The following COL26A1 variants were observed in gnomAD, a reference collection of about 807,000 sequenced individuals.
The protein encoded by COL26A1 is collagen type XXVI alpha 1 chain.
COL26A1 carries 41 observed loss-of-function variants against 59.3 expected under a neutral mutation model. The ratio of observed to expected loss-of-function variants is 0.69; its 90% CI spans 0.54 to 0.90. The LOEUF (loss-of-function observed/expected upper bound fraction) is 0.90, where lower values mean the gene tolerates loss of function less well. Ranked by LOEUF, COL26A1 falls within the 40% of genes least tolerant of loss-of-function variation. The probability of loss-of-function intolerance (pLI) is 0.00; values close to 1 mark genes in which losing one functional copy is unlikely to be tolerated. For missense variants in COL26A1, 612 were observed against 602.3 expected, an observed-to-expected ratio of 1.02 and a Z score of -0.17; for synonymous variants, 266 against 256.0, an observed-to-expected ratio of 1.04 and a Z score of -0.37.
chr7:101,424,501 G>T (rs982211134), intron 2 of COL26A1, among the ~76,000 whole-genome samples: 2 of 152,140 alleles, frequency 1.3e-5, no homozygotes, highest in African/African-American at 4.8e-5. Context: ...AGGAGGCTGA[G>T]GCAGGAGAAT....
intron 1 of COL26A1, among the ~76,000 whole-genome samples, chr7:101,369,702 G>C (rs1382037006): frequency 1.3e-5 from 2 of 151,770 alleles, no homozygotes; most frequent in Admixed American, 1.3e-4. Context: ...TATTTATTCA[G>C]CTAGTCCTCT....
chr7:101,557,360 C>T lies in COL26A1; in HGVS notation c.1166-10C>T, dbSNP rs375953319. On this transcript the variant is annotated splice_polypyrimidine_tract_variant and intron_variant, in intron 12 of 12. Transcript: ENST00000313669. The stretch of plus-strand genomic sequence containing the variant: ...TCTACCTCGAGTCCACCCTCCTGCT[C>T]TCCTTCCAGATCCCCTGGCCTCCCC... The T allele has an allele frequency of 9.4e-5, 152 of 1,610,128 alleles. No individual in the cohort carries two copies. Among genetic ancestry groups the T allele is most frequent in the Non-Finnish European group, 1.3e-4 (148 of 1,177,192 alleles).
intron 3 of COL26A1, among the ~76,000 whole-genome samples, chr7:101,463,330 G>A (rs950492038): frequency 2.0e-4 from 30 of 152,232 alleles, no homozygotes; most frequent in African/African-American, 6.5e-4. Flanking sequence ...CATCCATGTA[G>A]CAAGGGTCAG....
intron 1 of COL26A1, among the ~76,000 whole-genome samples, chr7:101,411,928 A>T (rs897154123): frequency 6.6e-5 from 10 of 151,998 alleles, no homozygotes; most frequent in Non-Finnish European, 1.0e-4. Context: ...ACAGAACAAG[A>T]CTCCATTCCA....
At chr7:101,390,700 C>T (rs1562959417) in intron 1 of COL26A1, among the ~76,000 whole-genome samples, 1 of 152,200 alleles carries the variant, frequency 6.6e-6, no homozygotes, top group South Asian at 2.1e-4. Context: ...ATTCAGATTA[C>T]AGATGTGAGC....
chr7:101,404,653 T>C (rs1219418640), intron 1 of COL26A1, among the ~76,000 whole-genome samples: 1 of 152,202 alleles, frequency 6.6e-6, no homozygotes, highest in Non-Finnish European at 1.5e-5. Flanking sequence ...CCCATCTCTT[T>C]AGGAGGCTGA....
chr7:101,374,371 A>T (rs990155116), intron 1 of COL26A1, among the ~76,000 whole-genome samples: 2 of 152,122 alleles, frequency 1.3e-5, no homozygotes, highest in Admixed American at 1.3e-4. Context: ...GGAGTCCCCA[A>T]CCCTGAGGTC....
At chr7:101,448,912 G>A (rs1793264641) in intron 3 of COL26A1, among the ~76,000 whole-genome samples, 1 of 152,222 alleles carries the variant, frequency 6.6e-6, no homozygotes, top group Admixed American at 6.5e-5. Context: ...TATATGCTTT[G>A]AGTGTAAACT....
intron 1 of COL26A1, among the ~76,000 whole-genome samples, chr7:101,376,293 T>C (rs1166481447): frequency 1.3e-5 from 2 of 151,962 alleles, no homozygotes; most frequent in African/African-American, 2.4e-5. Flanking sequence ...GGTGACAGAG[T>C]GAGACCCTGT....
At chr7:101,378,178 G>A (rs192600872) in intron 1 of COL26A1, among the ~76,000 whole-genome samples, 3 of 152,176 alleles carry the variant, frequency 2.0e-5, no homozygotes, top group African/African-American at 4.8e-5. Context: ...TAAGGAGTTC[G>A]AGACCAGCCT....
intron 1 of COL26A1, among the ~76,000 whole-genome samples, chr7:101,404,242 A>G (rs940999176): frequency 6.6e-6 from 1 of 152,038 alleles, no homozygotes; most frequent in East Asian, 1.9e-4. Flanking sequence ...TAATTAGCCA[A>G]CTCTGCAGCC....
intron 3 of COL26A1, among the ~76,000 whole-genome samples, chr7:101,471,678 C>T (rs56059507): frequency 0.28 from 40,345 of 146,038 alleles, 6,111 homozygotes; most frequent in Middle Eastern, 0.35. Context: ...CTACCGAGTT[C>T]AAGCGATTCT....
intron 3 of COL26A1, among the ~76,000 whole-genome samples, chr7:101,474,703 A>T (rs1793991663): frequency 6.6e-6 from 1 of 152,230 alleles, no homozygotes; most frequent in African/African-American, 2.4e-5. Context: ...ATTCTCATCC[A>T]TTGCTAAGTC....
intron 1 of COL26A1, among the ~76,000 whole-genome samples, chr7:101,408,456 G>A (rs1320052747): frequency 6.6e-6 from 1 of 152,212 alleles, no homozygotes; most frequent in African/African-American, 2.4e-5. Context: ...GCTGAATGAT[G>A]GATGTCTGTT....
At chr7:101,533,841 A>G (rs1400592662) in intron 4 of COL26A1, among the ~76,000 whole-genome samples, 1 of 152,204 alleles carries the variant, frequency 6.6e-6, no homozygotes, top group Non-Finnish European at 1.5e-5. Context: ...CTCACTGGGT[A>G]ACACTTACCC....
At chr7:101,411,002 C>G (rs553533688) in intron 1 of COL26A1, among the ~76,000 whole-genome samples, 49 of 152,236 alleles carry the variant, frequency 3.2e-4, no homozygotes, top group African/African-American at 1.1e-3. Context: ...AGGGATTGGG[C>G]AGGTGTGGCC....
rs773721574 is a variant in COL26A1 at position 101,545,324 on chromosome 7, T to C, written c.704-14T>C. ...CTCCGGCTGCCACAGTGACTGTTCT[T>C]TTCCTCATTGCAGGGCTCCTGGGGC... is the stretch of plus-strand genomic sequence containing the variant. On this transcript the variant is annotated splice_polypyrimidine_tract_variant and intron_variant, in intron 6 of 12. Transcript: ENST00000313669. The C allele has an allele frequency of 8.4e-6, 13 of 1,552,936 alleles. No individual in the cohort carries two copies. Among genetic ancestry groups the C allele is most frequent in the Non-Finnish European group, 1.1e-5 (13 of 1,157,846 alleles).
chr7:101,489,640 T>C (rs1584454852), intron 3 of COL26A1, among the ~76,000 whole-genome samples: 1 of 70,520 alleles, frequency 1.4e-5, no homozygotes, highest in East Asian at 2.5e-4. Context: ...TTTCTTTCTT[T>C]CTTTCTTTCT....
At chr7:101,462,146 C>T (rs573312323) in intron 3 of COL26A1, among the ~76,000 whole-genome samples, 2 of 150,934 alleles carry the variant, frequency 1.3e-5, no homozygotes, top group East Asian at 4.0e-4. Flanking sequence ...ACTACAGGTG[C>T]CCGCCTCCAC....
Sources: allele counts gnomAD v4.1 joint callset (sites outside exome capture counted in the v4.1 genomes callset), GRCh38; gene constraint gnomAD v4.1.1; transcripts MANE v1.5; gene names NCBI Gene and HGNC (gene_info 2026-07-23, HGNC 2026-07-21).